Variants in FLI1 observed in about 807,000 individuals in gnomAD.
FLI1 encodes the protein Friend leukemia integration 1 transcription factor.
A neutral mutation model predicts 53.1 loss-of-function variants in FLI1; 13 were observed. That is an observed-to-expected ratio of 0.24 (90% CI 0.16 to 0.39). The LOEUF is 0.39. Among genes scored for constraint, FLI1 ranks in the 10% least tolerant of loss-of-function variants. The pLI, the probability that FLI1 is intolerant of heterozygous loss-of-function variation, is 1.00. For synonymous variants in FLI1, 244 were observed against 236.7 expected (o/e 1.03, Z -0.28); for missense variants, 424 against 600.5 (o/e 0.71, Z 3.07).
At chr11:128,786,857 G>T (rs1267704762) in intron 5 of FLI1, among the ~76,000 whole-genome samples, 1 of 152,158 alleles carries the variant, frequency 6.6e-6, no homozygotes, top group Non-Finnish European at 1.5e-5. Flanking sequence ...TGAGTTCCTT[G>T]TTTATTAACT....
chr11:128,770,108 T>C (rs924320003), intron 3 of FLI1, among the ~76,000 whole-genome samples: 3 of 152,156 alleles, frequency 2.0e-5, no homozygotes, highest in Non-Finnish European at 4.4e-5. Flanking sequence ...GAAGGAATCT[T>C]GGAAATGGGC....
At position 128,802,121 on chromosome 11, in the gene FLI1, G is replaced by A. The variant is rs115790182; in HGVS notation, c.656-3245G>A. On this transcript the variant is annotated intron_variant, in intron 5 of 8. Coordinates refer to ENST00000527786, the MANE Select transcript of FLI1 (RefSeq NM_002017.5). ...CTCTGTGCTGGGCACTATGCTGGGT[G>A]TTTACTTGGGTATCTCATTTACTCT... Among the ~76,000 whole-genome samples, 1,170 of 152,262 alleles carry A rather than the reference G, an allele frequency of 7.7e-3. 18 individuals carry two copies. Among genetic ancestry groups the A allele is most frequent in the African/African-American group, 0.025 (1,036 of 41,538 alleles).
intron 1 of FLI1, among the ~76,000 whole-genome samples, chr11:128,718,972 C>G (rs376079796): frequency 6.6e-6 from 1 of 152,212 alleles, no homozygotes; most frequent in African/African-American, 2.4e-5. Context: ...TCAACATAAA[C>G]GAACTTTCGG....
Position 128,810,851 on chromosome 11 carries a change from A to T in FLI1, c.1222A>T (p.Met408Leu), listed in dbSNP as rs779887574. 4 of 1,613,876 alleles carry T rather than the reference A, an allele frequency of 2.5e-6. No individual in the cohort carries two copies. The highest frequency in any genetic ancestry group is 1.1e-5 in the South Asian group (1 of 91,082). ...VNFVPPHPSS[M>L]PVTSSSFFGA... is the part of the protein sequence containing the mutation. The stretch of plus-strand genomic sequence containing the variant: ...CTTTGTCCCTCCCCATCCATCCTCC[A>T]TGCCTGTCACTTCCTCCAGCTTCTT... The change falls in exon 9 of 9, where the codon ATG becomes TTG. Residue 408 changes from methionine to leucine, a missense_variant. Transcript: ENST00000527786. This position sits in a 1 kb window ranked among gnomAD's most constrained non-coding sequence, Gnocchi z 6.6.
At chr11:128,783,052 A>G (rs1277139341) in intron 5 of FLI1, among the ~76,000 whole-genome samples, 3 of 152,232 alleles carry the variant, frequency 2.0e-5, no homozygotes, top group African/African-American at 7.2e-5. Context: ...AGGAGCTTGA[A>G]GAATAATAAG....
At chr11:128,784,647 GC>G (rs1329782433) in intron 5 of FLI1, among the ~76,000 whole-genome samples, 1 of 152,176 alleles carries the variant, frequency 6.6e-6, no homozygotes, top group Non-Finnish European at 1.5e-5. Flanking sequence ...GACCCATCAA[GC>G]CACAAAACAA....
In FLI1 at chr11:128,812,897, G is replaced by A. The variant is rs1942967593; in HGVS notation, c.*1909G>A. 1 of 114,458 alleles carries A rather than the reference G, an allele frequency of 8.7e-6. No individual in the cohort carries two copies. Among genetic ancestry groups the A allele is most frequent in the African/African-American group, 3.0e-5 (1 of 33,568 alleles). 7.1% of individuals were successfully genotyped at this position (114,458 alleles called of 1,614,324 possible). ...GAAACTTGCCTCCAGTTCCTTCACT[G>A]TTAGGTAGCTTATTTTCATTTTCTC... On this transcript the variant is annotated 3_prime_UTR_variant, in exon 9 of 9. Coordinates refer to ENST00000527786, the MANE Select transcript of FLI1 (RefSeq NM_002017.5).
upstream of FLI1, among the ~76,000 whole-genome samples, chr11:128,689,352 C>G (rs992980410): frequency 6.6e-6 from 1 of 152,238 alleles, no homozygotes; most frequent in African/African-American, 2.4e-5. Flanking sequence ...TCTCGCCCGT[C>G]CTCCGCCCAA....
intron 2 of FLI1, among the ~76,000 whole-genome samples, chr11:128,764,381 G>A (rs1453543044): frequency 1.3e-5 from 2 of 152,196 alleles, no homozygotes; most frequent in South Asian, 2.1e-4. Context: ...CCCTACCCTC[G>A]GCAGCTCTGC....
chr11:128,788,910 G>A (rs528868534), intron 5 of FLI1, among the ~76,000 whole-genome samples: 1 of 152,118 alleles, frequency 6.6e-6, no homozygotes, highest in Non-Finnish European at 1.5e-5. Context: ...CCTCAAGCAG[G>A]TTCTAGTCAA....
At chr11:128,709,328 A>G (rs1324639397) in intron 1 of FLI1, among the ~76,000 whole-genome samples, 2 of 152,244 alleles carry the variant, frequency 1.3e-5, no homozygotes, top group Non-Finnish European at 2.9e-5. Flanking sequence ...AAGTCGATGC[A>G]TGAATATAAC....
chr11:128,702,685 A>C (rs1209853146), intron 1 of FLI1, among the ~76,000 whole-genome samples: 2 of 152,214 alleles, frequency 1.3e-5, no homozygotes, highest in Non-Finnish European at 2.9e-5. Context: ...AATATGGTGA[A>C]ACCCTGTCTT....
chr11:128,751,147 C>G (rs1940624936), intron 1 of FLI1, among the ~76,000 whole-genome samples: 1 of 152,176 alleles, frequency 6.6e-6, no homozygotes, highest in Non-Finnish European at 1.5e-5. Context: ...GAAATCGGCT[C>G]TGTACTCTAG....
upstream of FLI1, among the ~76,000 whole-genome samples, chr11:128,685,270 G>A (rs1591716268): frequency 6.6e-6 from 1 of 152,324 alleles, no homozygotes; most frequent in Non-Finnish European, 1.5e-5. Flanking sequence ...CACTGGCTGG[G>A]TTCTGGGAGC....
chr11:128,777,290 T>C (rs914740723), intron 4 of FLI1, among the ~76,000 whole-genome samples: 2 of 151,972 alleles, frequency 1.3e-5, no homozygotes, highest in African/African-American at 2.4e-5. Context: ...AAGAGCCTTT[T>C]TTAAGTTTTA....
Position 128,744,781 on chromosome 11 carries a change from A to C in FLI1, c.19-13334A>C, listed in dbSNP as rs184305658. ...TCATGTCTACAGAAAAGCACAAAGA[A>C]AATTATCGTGGGGAATTCTCAATCT... On this transcript the variant is annotated intron_variant, in intron 1 of 8. Coordinates refer to ENST00000527786, the MANE Select transcript of FLI1 (RefSeq NM_002017.5). 4.5e-3 allele frequency among the ~76,000 whole-genome samples: 685 copies of C among 152,348 alleles called. 14 individuals are homozygous for C. The highest frequency in any genetic ancestry group is 0.016 in the African/African-American group (653 of 41,578).
chr11:128,789,102 G>A (rs1192104574), intron 5 of FLI1, among the ~76,000 whole-genome samples: 1 of 152,204 alleles, frequency 6.6e-6, no homozygotes, highest in Non-Finnish European at 1.5e-5. Flanking sequence ...TGGCAGGGCT[G>A]GAAATAGATG....
At chr11:128,710,983 A>G (rs994766064) in intron 1 of FLI1, among the ~76,000 whole-genome samples, 1 of 152,248 alleles carries the variant, frequency 6.6e-6, no homozygotes, top group Non-Finnish European at 1.5e-5. Flanking sequence ...AAAGTGAAAG[A>G]TTAAGAAAAC....
rs574999482 is a variant in FLI1 at position 128,731,832 on chromosome 11, G to A, written c.19-26283G>A. Among the ~76,000 whole-genome samples, 6 of 152,084 alleles carry A rather than the reference G, an allele frequency of 3.9e-5. No individual in the cohort carries two copies. In the East Asian group the frequency reaches 9.7e-4, roughly 25 times the overall value. The stretch of plus-strand genomic sequence containing the variant: ...AGCCTGGCCAACATGGCAAAACCTT[G>A]TCTCTAATAAAAATACAAAAATTAG... On this transcript the variant is annotated intron_variant, in intron 1 of 8. Transcript: ENST00000527786.
Sources: gnomAD v4.1 joint callset for allele counts (sites outside exome capture counted in the v4.1 genomes callset) on GRCh38, gnomAD v4.1.1 for gene constraint, Gnocchi (gnomAD v3.1) non-coding constraint, MANE v1.5 for transcripts, NCBI Gene and HGNC (gene_info 2026-07-23, HGNC 2026-07-21) for gene names.